AASS: variants seen among roughly 807,000 people sequenced by gnomAD.
AASS encodes the protein alpha-aminoadipic semialdehyde synthase, mitochondrial.
AASS carries 86 observed loss-of-function variants against 105.4 expected under a neutral mutation model. That is an observed-to-expected ratio of 0.82 (90% CI 0.69 to 0.98). The LOEUF (loss-of-function observed/expected upper bound fraction) is 0.98, where lower values mean the gene tolerates loss of function less well. Ranked by LOEUF, AASS falls within the 50% of genes least tolerant of loss-of-function variation. The probability of loss-of-function intolerance (pLI) is 0.00; values close to 1 mark genes in which losing one functional copy is unlikely to be tolerated. For synonymous variants in AASS, 381 were observed against 394.8 expected (o/e 0.96, Z 0.41); for missense variants, 1,048 against 1,143.2 (o/e 0.92, Z 1.20).
At chr7:122,096,811 T>G (rs2150520368) in intron 15 of AASS, among the ~76,000 whole-genome samples, 1 of 152,190 alleles carries the variant, frequency 6.6e-6, no homozygotes, top group Non-Finnish European at 1.5e-5. Context: ...ATTAAGAGAT[T>G]GATGTCTTTG....
intron 1 of AASS, among the ~76,000 whole-genome samples, chr7:122,138,137 G>T (rs1231608849): frequency 6.6e-6 from 1 of 152,120 alleles, no homozygotes; most frequent in Non-Finnish European, 1.5e-5. Context: ...TTTCTTCTCT[G>T]TTTTTGTAAA....
Position 122,133,534 on chromosome 7 carries a change from G to T in AASS, c.193C>A (p.Arg65=), listed in dbSNP as rs780657249. 1 of 1,613,978 alleles carries T rather than the reference G, an allele frequency of 6.2e-7. No individual in the cohort carries two copies. Among genetic ancestry groups the T allele is most frequent in the African/African-American group, 1.3e-5 (1 of 74,898 alleles). Residue 65 remains arginine, a synonymous_variant, in exon 2 of 24, where the codon CGG becomes AGG. Coordinates refer to ENST00000417368, the MANE Select transcript of AASS (RefSeq NM_005763.4). ...ATACTCACCTTATCATGAATGGCCCGCCGATTCGAAGGCTGTATCAAGACC... is the reference window on the plus strand; with the variant it reads ...ATACTCACCTTATCATGAATGGCCCTCCGATTCGAAGGCTGTATCAAGACC... ...YKVLIQPSNR[R]AIHDKDYVKA... is the part of the protein sequence containing the mutation.
chr7:122,089,612 A>G (rs1161809525), intron 18 of AASS, among the ~76,000 whole-genome samples: 2 of 152,166 alleles, frequency 1.3e-5, no homozygotes, highest in African/African-American at 2.4e-5. Flanking sequence ...GATTTATTAC[A>G]TGGCTGACAA....
intron 18 of AASS, among the ~76,000 whole-genome samples, chr7:122,087,731 CT>C (rs1562908056): frequency 6.6e-6 from 1 of 152,108 alleles, no homozygotes; most frequent in Non-Finnish European, 1.5e-5. Context: ...CTTTTAGGGT[CT>C]TCACACCCAT....
intron 18 of AASS, among the ~76,000 whole-genome samples, chr7:122,088,415 A>C (rs1267250348): frequency 6.6e-6 from 1 of 152,110 alleles, no homozygotes; most frequent in Non-Finnish European, 1.5e-5. Flanking sequence ...CTCATTTTTC[A>C]GAGGTGAAAA....
chr7:122,085,187 C>T (rs1220046046), intron 19 of AASS, among the ~76,000 whole-genome samples: 1 of 152,106 alleles, frequency 6.6e-6, no homozygotes, highest in Non-Finnish European at 1.5e-5. Flanking sequence ...AAAGTCAAGC[C>T]TCCAAAAGGC....
Position 122,110,134 on chromosome 7 carries a change from T to A in AASS, c.1278+2984A>T, listed in dbSNP as rs367596391. ...ATAAAGTAAAATAAAGAATATAGTATAGGTAAGATTATAAATTAAGAAAAC... is the reference window on the plus strand; with the variant it reads ...ATAAAGTAAAATAAAGAATATAGTAAAGGTAAGATTATAAATTAAGAAAAC... On this transcript the variant is annotated intron_variant, in intron 11 of 23. Transcript: ENST00000417368. Among the ~76,000 whole-genome samples the A allele has an allele frequency of 2.6e-5, 4 of 151,890 alleles. No homozygotes were observed. In the East Asian group the frequency reaches 7.7e-4, roughly 29 times the overall value.
chr7:122,129,074 T>G (rs1795791780), intron 3 of AASS, among the ~76,000 whole-genome samples: 1 of 151,952 alleles, frequency 6.6e-6, no homozygotes. Context: ...CAAGACTCCA[T>G]CTCAAAAAAA....
At chr7:122,082,317 G>A (rs1793379531) in intron 19 of AASS, among the ~76,000 whole-genome samples, 2 of 152,224 alleles carry the variant, frequency 1.3e-5, no homozygotes, top group African/African-American at 4.8e-5. Flanking sequence ...CAAATGTGCT[G>A]TGTTCTTCCA....
intron 18 of AASS, among the ~76,000 whole-genome samples, chr7:122,086,675 G>C (rs2150512335): frequency 6.6e-6 from 1 of 152,080 alleles, no homozygotes. Flanking sequence ...TGGCTTCTAT[G>C]CTCAAACAAC....
intron 18 of AASS, among the ~76,000 whole-genome samples, chr7:122,087,738 C>G (rs1255790689): frequency 6.6e-6 from 1 of 152,136 alleles, no homozygotes; most frequent in Non-Finnish European, 1.5e-5. Flanking sequence ...GGTCTTCACA[C>G]CCATCTCATT....
At position 122,073,985 on chromosome 7, in the gene AASS, T is replaced by C. The variant is rs910531467; in HGVS notation, c.*2504A>G. ...TTTTGTTTATTCACTTGTTAGTTGA[T>C]AGAAATTAGGGCTGTTTCAATTTTG... is the stretch of plus-strand genomic sequence containing the variant. On this transcript the variant is annotated 3_prime_UTR_variant, in exon 24 of 24. Coordinates refer to ENST00000417368, the MANE Select transcript of AASS (RefSeq NM_005763.4). 2.0e-5 allele frequency among the ~76,000 whole-genome samples: 3 copies of C among 152,194 alleles called. No homozygotes were observed. Among genetic ancestry groups the C allele is most frequent in the Admixed American group, 2.0e-4 (3 of 15,272 alleles).
intron 1 of AASS, among the ~76,000 whole-genome samples, chr7:122,134,320 T>C (rs987473766): frequency 1.3e-5 from 2 of 152,180 alleles, no homozygotes; most frequent in African/African-American, 4.8e-5. Flanking sequence ...ATTAGATGTG[T>C]ACATAAATAG....
chr7:122,105,131 A>T (rs1171237225), intron 11 of AASS, among the ~76,000 whole-genome samples: 1 of 152,074 alleles, frequency 6.6e-6, no homozygotes, highest in African/African-American at 2.4e-5. Context: ...CACAAGAGAC[A>T]AAGAAAGTCA....
At position 122,074,886 on chromosome 7, in the gene AASS, G is replaced by A. The variant is rs555702870; in HGVS notation, c.*1603C>T. Among the ~76,000 whole-genome samples, 12 of 152,012 alleles carry A rather than the reference G, an allele frequency of 7.9e-5. No individual in the cohort carries two copies. Among genetic ancestry groups the A allele is most frequent in the Non-Finnish European group, 1.5e-4 (10 of 67,974 alleles). ...TCTTTTTTGTTTTTTTTGAGTCAAGGTCTAACTCTGTCATCCAGGCTGGAT... is the reference window on the plus strand; with the variant it reads ...TCTTTTTTGTTTTTTTTGAGTCAAGATCTAACTCTGTCATCCAGGCTGGAT... On this transcript the variant is annotated 3_prime_UTR_variant, in exon 24 of 24. Coordinates refer to ENST00000417368, the MANE Select transcript of AASS (RefSeq NM_005763.4).
At chr7:122,121,570 T>A (rs2150543306) in intron 4 of AASS, among the ~76,000 whole-genome samples, 1 of 152,210 alleles carries the variant, frequency 6.6e-6, no homozygotes, top group South Asian at 2.1e-4. Context: ...ACTCTTGCAT[T>A]TTTTTGTAGA....
chr7:122,099,716 T>A (rs1794336988), intron 13 of AASS, among the ~76,000 whole-genome samples: 2 of 152,014 alleles, frequency 1.3e-5, no homozygotes, highest in South Asian at 4.1e-4. Flanking sequence ...TTATTTAGAA[T>A]CTTTAGGCCA....
intron 19 of AASS, 47 bp downstream of exon 19, chr7:122,085,965 T>G: frequency 6.2e-7 from 1 of 1,608,220 alleles, no homozygotes; most frequent in Non-Finnish European, 8.5e-7. Context: ...TACACATCAC[T>G]TACATCACAA....
rs1212355238 is a variant in AASS at position 122,109,959 on chromosome 7, AACAAGAG to A, written c.1278+3152_1278+3158del. On this transcript the variant is annotated intron_variant, in intron 11 of 23. Coordinates refer to ENST00000417368, the MANE Select transcript of AASS (RefSeq NM_005763.4). Reference sequence around the variant, plus strand: ...AATATACAAGAAAGTCAAAGAACAAAACAAGAGATAATACAATCAAAAATGGGCTGTA... The same window carrying A: ...AATATACAAGAAAGTCAAAGAACAAAATAATACAATCAAAAATGGGCTGTA... 3.0e-4 allele frequency among the ~76,000 whole-genome samples: 45 copies of A among 152,160 alleles called. 1 individual carries two copies. Among genetic ancestry groups the A allele is most frequent in the Non-Finnish European group, 7.4e-5 (5 of 67,936 alleles).
Sources: gnomAD v4.1 joint callset for allele counts (sites outside exome capture counted in the v4.1 genomes callset) on GRCh38, gnomAD v4.1.1 for gene constraint, MANE v1.5 for transcripts, NCBI Gene and HGNC (gene_info 2026-07-23, HGNC 2026-07-21) for gene names.